The following PPP2R2C variants were observed in gnomAD, a reference collection of about 807,000 sequenced individuals.
PPP2R2C encodes the protein protein phosphatase 2 regulatory subunit Bgamma.
In PPP2R2C, 10 loss-of-function variants were observed where a neutral mutation model predicts 45.3. That is an observed-to-expected ratio of 0.22 (90% confidence interval 0.14 to 0.37). The LOEUF is 0.37. Among genes scored for constraint, PPP2R2C ranks in the 10% least tolerant of loss-of-function variants. PPP2R2C has a pLI of 1.00. For missense variants in PPP2R2C, 308 were observed against 619.7 expected (o/e 0.50, Z 5.34); for synonymous variants, 257 against 245.4 (o/e 1.05, Z -0.44).
In PPP2R2C at chr4:6,351,103, G is replaced by A. The variant is rs958430685; in HGVS notation, c.626-3093C>T. 59 of 830,014 alleles carry A rather than the reference G, an allele frequency of 7.1e-5. No individual in the cohort carries two copies. In the African/African-American group the frequency reaches 9.1e-4, roughly 13 times the overall value. 51.4% of individuals were successfully genotyped at this position (830,014 alleles called of 1,614,324 possible). On this transcript the variant is annotated intron_variant, in intron 5 of 8. Coordinates refer to ENST00000382599, the MANE Select transcript of PPP2R2C (RefSeq NM_020416.4). ...GCAGGTCACCTGAGCTCAGGAGTTCGAGACCAGCCTGACCAACATACCAAA... is the reference window on the plus strand; with the variant it reads ...GCAGGTCACCTGAGCTCAGGAGTTCAAGACCAGCCTGACCAACATACCAAA...
intron 5 of PPP2R2C, chr4:6,351,354 T>C: frequency 1.0e-6 from 1 of 979,918 alleles, no homozygotes; most frequent in Non-Finnish European, 1.2e-6. Context: ...AATAAAAGTA[T>C]GCAGGGCTCC....
chr4:6,447,954 A>G (rs1577190344), intron 1 of PPP2R2C, among the ~76,000 whole-genome samples: 1 of 152,124 alleles, frequency 6.6e-6, no homozygotes, highest in East Asian at 1.9e-4. Context: ...TCTGGGATTC[A>G]CTCAGTTATT....
chr4:6,437,745 A>G (rs1283430161), intron 1 of PPP2R2C, among the ~76,000 whole-genome samples: 1 of 152,212 alleles, frequency 6.6e-6, no homozygotes. Context: ...GTGTCACTCA[A>G]ATTGTGAAAA....
intron 1 of PPP2R2C, among the ~76,000 whole-genome samples, chr4:6,470,958 C>G: frequency 6.6e-6 from 1 of 151,488 alleles, no homozygotes; most frequent in South Asian, 2.1e-4. Flanking sequence ...CGAGCCCGCC[C>G]GCGCCCGCGC....
At position 6,364,481 on chromosome 4, in the gene PPP2R2C, C is replaced by G. The variant is rs188930097; in HGVS notation, c.625+8042G>C. ...TGAGCAAGGAGTGACATGATCTTGT[C>G]GTTTTTTTTTTTCTCATGTTGTAGG... On this transcript the variant is annotated intron_variant, in intron 5 of 8. Coordinates refer to ENST00000382599, the MANE Select transcript of PPP2R2C (RefSeq NM_020416.4). The surrounding 1 kb of genome is among the most constrained non-coding windows in gnomAD (Gnocchi z 5.3). 1.3e-5 allele frequency among the ~76,000 whole-genome samples: 2 copies of G among 149,678 alleles called. No individual in the cohort carries two copies. Among genetic ancestry groups the G allele is most frequent in the Non-Finnish European group, 3.0e-5 (2 of 67,476 alleles).
At chr4:6,545,491 A>G (rs1724947323) in intron 1 of PPP2R2C, among the ~76,000 whole-genome samples, 1 of 152,226 alleles carries the variant, frequency 6.6e-6, no homozygotes, top group South Asian at 2.1e-4. Flanking sequence ...TTTCTTTTAC[A>G]TAAGTCTCTT....
intron 2 of PPP2R2C, among the ~76,000 whole-genome samples, chr4:6,534,798 G>T (rs756369595): frequency 6.6e-6 from 1 of 152,150 alleles, no homozygotes; most frequent in Admixed American, 6.5e-5. Context: ...GCCCCCAGTC[G>T]GGGTCTAGTT....
At chr4:6,382,506 G>C (rs534748404) in intron 1 of PPP2R2C, 1 of 1,351,810 alleles carries the variant, frequency 7.4e-7, no homozygotes, top group East Asian at 4.6e-5. Flanking sequence ...ACCCTTCATT[G>C]GTCACCATAA....
intron 1 of PPP2R2C, among the ~76,000 whole-genome samples, chr4:6,464,642 A>C (rs1347603960): frequency 6.6e-6 from 1 of 152,236 alleles, no homozygotes; most frequent in East Asian, 1.9e-4. Flanking sequence ...AACAAATTAG[A>C]CTACCTAATG....
chr4:6,555,995 G>A (rs1215074080), intron 1 of PPP2R2C, among the ~76,000 whole-genome samples: 2 of 152,124 alleles, frequency 1.3e-5, no homozygotes, highest in Non-Finnish European at 2.9e-5. Flanking sequence ...GCCCAAGAGT[G>A]AGCCCTGGGG....
intron 1 of PPP2R2C, among the ~76,000 whole-genome samples, chr4:6,536,861 A>C (rs1724635153): frequency 6.6e-6 from 1 of 152,252 alleles, no homozygotes; most frequent in African/African-American, 2.4e-5. Context: ...GTGGATGCTA[A>C]GCAACTGTTG....
intron 1 of PPP2R2C, among the ~76,000 whole-genome samples, chr4:6,415,106 G>A (rs1035256904): frequency 3.9e-5 from 6 of 152,228 alleles, no homozygotes; most frequent in Admixed American, 2.0e-4. Context: ...CCACAGAGCC[G>A]CTGCCTCACA....
chr4:6,559,908 C>T (rs940849217), intron 1 of PPP2R2C, among the ~76,000 whole-genome samples: 2 of 152,248 alleles, frequency 1.3e-5, no homozygotes, highest in Admixed American at 1.3e-4. Context: ...CGGACTAAGA[C>T]AGCTCCCTTC....
At chr4:6,377,719 C>T (rs1050255184) in intron 3 of PPP2R2C, among the ~76,000 whole-genome samples, 3 of 152,060 alleles carry the variant, frequency 2.0e-5, no homozygotes, top group African/African-American at 4.8e-5. Flanking sequence ...TGCCTGGGTC[C>T]GCAGGGGGCC....
At chr4:6,543,690 G>A (rs1246835930) in intron 1 of PPP2R2C, among the ~76,000 whole-genome samples, 1 of 152,214 alleles carries the variant, frequency 6.6e-6, no homozygotes. Flanking sequence ...GGGCCACCCA[G>A]CTTGTCACAT....
chr4:6,539,749 C>A (rs551249292), intron 1 of PPP2R2C, among the ~76,000 whole-genome samples: 1 of 152,308 alleles, frequency 6.6e-6, no homozygotes, highest in Admixed American at 6.5e-5. Context: ...GGAAGCTGCA[C>A]TAGGCATTCC....
intron 2 of PPP2R2C, among the ~76,000 whole-genome samples, chr4:6,495,800 G>A (rs756683789): frequency 6.6e-6 from 1 of 152,236 alleles, no homozygotes; most frequent in Non-Finnish European, 1.5e-5. Flanking sequence ...TTTGCGTGGT[G>A]TATGAGTTCC....
intron 1 of PPP2R2C, chr4:6,384,544 T>C: frequency 1.0e-6 from 1 of 978,366 alleles, no homozygotes; most frequent in Non-Finnish European, 1.2e-6. Context: ...ATACTTAATG[T>C]ATATAATTTG....
intron 1 of PPP2R2C, among the ~76,000 whole-genome samples, chr4:6,392,737 G>A (rs938866415): frequency 6.6e-6 from 1 of 152,202 alleles, no homozygotes; most frequent in African/African-American, 2.4e-5. Flanking sequence ...CATGAGCTGG[G>A]AAGCCACGGT....
Sources: gnomAD v4.1 joint callset for allele counts (sites outside exome capture counted in the v4.1 genomes callset) on GRCh38, gnomAD v4.1.1 for gene constraint, Gnocchi (gnomAD v3.1) non-coding constraint, MANE v1.5 for transcripts, NCBI Gene and HGNC (gene_info 2026-07-23, HGNC 2026-07-21) for gene names.